Variants in TMEM209 observed in about 807,000 individuals in gnomAD.
TMEM209 encodes transmembrane protein 209, also known as testicular tissue protein Li 202.
A neutral mutation model predicts 76.2 loss-of-function variants in TMEM209; 65 were observed. The observed-to-expected ratio is 0.85, with a 90% CI of 0.70 to 1.05. The LOEUF is 1.05. TMEM209 is among the 50% of genes least tolerant of loss of function. The pLI, the probability that TMEM209 is intolerant of heterozygous loss-of-function variation, is 0.00. For missense variants in TMEM209, 623 were observed against 685.5 expected, an observed-to-expected ratio of 0.91 and a Z score of 1.02; for synonymous variants, 239 against 237.6, an observed-to-expected ratio of 1.01 and a Z score of -0.06.
Position 130,202,549 on chromosome 7 carries a change from A to C in TMEM209, c.314T>G (p.Leu105Ter). ...ACACTCACCAGCTGTTTTCAACCCT[A>C]AAAGTGTTTGCTGTCCAGGACTAAC... The part of the protein sequence containing the change: ...LVVSPGQQTL[L>*]GLKTAVVQTT... The change falls in exon 4 of 15, where the codon TTA (leucine) becomes TGA (stop). Residue 105 changes from leucine to a stop codon, truncating the protein, a stop_gained. Coordinates refer to ENST00000397622, the MANE Select transcript of TMEM209 (RefSeq NM_032842.4). LOFTEE classifies it high-confidence loss of function. 1 of 1,612,384 alleles carries C rather than the reference A, an allele frequency of 6.2e-7. No homozygotes were observed. The highest frequency in any genetic ancestry group is 8.5e-7 in the Non-Finnish European group (1 of 1,179,426).
At chr7:130,181,527 A>C in intron 9 of TMEM209, 96 bp downstream of exon 9, 1 of 1,047,458 alleles carries the variant, frequency 9.5e-7, no homozygotes, top group South Asian at 1.4e-5. Flanking sequence ...TTTTCACCCC[A>C]AGGTAACAAA....
rs1797152581 is a variant in TMEM209 at position 130,173,834 on chromosome 7, T to C, written c.1450A>G (p.Asn484Asp). ...TAGGAGAGGTTTATACCTGGTTTAT[T>C]TGGTGTCTGAACAAAGTGCTGAGAA... Reference protein sequence around the residue: ...FTSQHFVQTPNKPDVTNENVF... With the variant: ...FTSQHFVQTPDKPDVTNENVF... The change falls in exon 12 of 15, where the codon AAT (asparagine) becomes GAT (aspartate). Residue 484 changes from asparagine (N) to aspartate (D), a missense_variant. Transcript: ENST00000397622. 6.2e-7 allele frequency: 1 copy of C among 1,613,512 alleles called. No individual in the cohort carries two copies. The highest frequency in any genetic ancestry group is 8.5e-7 in the Non-Finnish European group (1 of 1,179,452).
chr7:130,177,986 G>A (rs942947784), intron 10 of TMEM209, among the ~76,000 whole-genome samples: 1 of 152,200 alleles, frequency 6.6e-6, no homozygotes, highest in Non-Finnish European at 1.5e-5. Flanking sequence ...GAGGCACAGA[G>A]GGTGTATGGG....
intron 5 of TMEM209, among the ~76,000 whole-genome samples, chr7:130,199,231 T>TA (rs1798102210): frequency 6.6e-6 from 1 of 152,162 alleles, no homozygotes. Flanking sequence ...TTTTTATTTT[T>TA]TTTTTGAGAC....
chr7:130,190,571 CA>C (rs1797760573), intron 6 of TMEM209, among the ~76,000 whole-genome samples: 1 of 130,106 alleles, frequency 7.7e-6, no homozygotes, highest in South Asian at 2.5e-4. Context: ...TACTGTATTA[CA>C]GTAAAAAAAA....
intron 9 of TMEM209, among the ~76,000 whole-genome samples, chr7:130,181,005 T>C (rs1187320715): frequency 1.3e-5 from 2 of 152,200 alleles, no homozygotes; most frequent in Non-Finnish European, 1.5e-5. Context: ...TAAACACTTG[T>C]ACGTGACTGT....
chr7:130,202,721 C>A, intron 3 of TMEM209, 58 bp from the exon 4 acceptor site: 1 of 1,550,676 alleles, frequency 6.4e-7, no homozygotes, highest in African/African-American at 1.4e-5. Flanking sequence ...TATTGGAGAA[C>A]ACAAAAACCC....
rs2117038246 is a variant in TMEM209 at position 130,202,108 on chromosome 7, A to G, written c.332-17T>C. On this transcript the variant is annotated splice_polypyrimidine_tract_variant and intron_variant, in intron 4 of 14. Coordinates refer to ENST00000397622, the MANE Select transcript of TMEM209 (RefSeq NM_032842.4). ...TCTGTACAACTAGAAGGAAAAAAAAAGCAACATATGTGTATGTACCTTCAA... is the reference window on the plus strand; with the variant it reads ...TCTGTACAACTAGAAGGAAAAAAAAGGCAACATATGTGTATGTACCTTCAA... 6.2e-7 allele frequency: 1 copy of G among 1,603,170 alleles called. No individual in the cohort carries two copies. Among genetic ancestry groups the G allele is most frequent in the Non-Finnish European group, 8.5e-7 (1 of 1,175,332 alleles).
chr7:130,205,250 G>T, intron 1 of TMEM209, 123 bp downstream of exon 1: 1 of 1,606,926 alleles, frequency 6.2e-7, no homozygotes, highest in South Asian at 1.1e-5. Context: ...CCTTCCCCTA[G>T]AGAGGCGGAA....
intron 11 of TMEM209, among the ~76,000 whole-genome samples, chr7:130,174,230 G>A (rs538488351): frequency 6.6e-6 from 1 of 152,296 alleles, no homozygotes; most frequent in South Asian, 2.1e-4. Context: ...GGAATTCAGT[G>A]TGTTTAAGAC....
intron 11 of TMEM209, 157 bp downstream of exon 11, chr7:130,175,355 G>A (rs1797198660): frequency 1.7e-6 from 1 of 591,960 alleles, no homozygotes; most frequent in Non-Finnish European, 2.8e-6. Context: ...CAGCTACTTG[G>A]GAGGCTGAGC....
At chr7:130,204,270 T>C (rs1226375049) in intron 1 of TMEM209, among the ~76,000 whole-genome samples, 160 bp from the exon 2 acceptor site, 1 of 152,252 alleles carries the variant, frequency 6.6e-6, no homozygotes, top group Non-Finnish European at 1.5e-5. Context: ...TATCAGTATA[T>C]GAAAAGGGAA....
chr7:130,181,860 A>G, intron 8 of TMEM209, 141 bp from the exon 9 acceptor site: 1 of 619,396 alleles, frequency 1.6e-6, no homozygotes. Flanking sequence ...AGTATAGTGA[A>G]AGAGAATGAA....
chr7:130,192,540 T>C, intron 6 of TMEM209, 82 bp downstream of exon 6: 1 of 1,166,750 alleles, frequency 8.6e-7, no homozygotes, highest in Non-Finnish European at 1.3e-6. Context: ...TATGTTAGTA[T>C]GGATATTAAA....
intron 7 of TMEM209, 74 bp from the exon 8 acceptor site, chr7:130,184,329 T>C (rs1422374016): frequency 9.1e-7 from 1 of 1,100,820 alleles, no homozygotes; most frequent in Non-Finnish European, 1.3e-6. Context: ...CTTTCTCCCA[T>C]CCTAAAAAAT....
intron 5 of TMEM209, among the ~76,000 whole-genome samples, chr7:130,200,652 T>C (rs1373749402): frequency 1.3e-5 from 2 of 152,198 alleles, no homozygotes; most frequent in South Asian, 2.1e-4. Context: ...ATAAGGATCA[T>C]ATAGTATCAT....
At chr7:130,204,894 C>T (rs965488674) in intron 1 of TMEM209, 2 of 1,016,274 alleles carry the variant, frequency 2.0e-6, no homozygotes, top group Non-Finnish European at 2.4e-6. Flanking sequence ...TGCACTTGGA[C>T]AGCTGTACTC....
chr7:130,180,390 C>T (rs1371642257), intron 9 of TMEM209, among the ~76,000 whole-genome samples: 1 of 151,486 alleles, frequency 6.6e-6, no homozygotes, highest in Non-Finnish European at 1.5e-5. Context: ...TTTTTTGAGA[C>T]AAAGTCTCAA....
chr7:130,202,689 T>A (rs1241157072), intron 3 of TMEM209, 26 bp from the exon 4 acceptor site: 2 of 1,602,936 alleles, frequency 1.2e-6, no homozygotes, highest in African/African-American at 1.3e-5. Flanking sequence ...TTTTTTTTAA[T>A]AAGGGGGGTG....
Sources: gnomAD v4.1 joint callset for allele counts (sites outside exome capture counted in the v4.1 genomes callset) on GRCh38, gnomAD v4.1.1 for gene constraint, MANE v1.5 for transcripts, NCBI Gene and HGNC (gene_info 2026-07-23, HGNC 2026-07-21) for gene names.